Variants in BICC1 observed in about 807,000 individuals in gnomAD.
The protein encoded by BICC1 is BicC family RNA binding protein 1.
In BICC1, 43 loss-of-function variants were observed where a neutral mutation model predicts 111.0. The ratio of observed to expected loss-of-function variants is 0.39; its 90% CI spans 0.30 to 0.50. The LOEUF (loss-of-function observed/expected upper bound fraction) is 0.50, where lower values mean the gene tolerates loss of function less well. Among genes scored for constraint, BICC1 ranks in the 20% least tolerant of loss-of-function variants. BICC1 has a pLI of 0.88. For missense variants in BICC1, 1,091 were observed against 1,203.2 expected (o/e 0.91, Z 1.38); for synonymous variants, 467 against 434.4 (o/e 1.07, Z -0.93).
At chr10:58,715,991 T>G in intron 3 of BICC1, 1 of 1,402,616 alleles carries the variant, frequency 7.1e-7, no homozygotes, top group Non-Finnish European at 9.9e-7. Context: ...GAAAGCTCCA[T>G]GTCAGAAACT....
At chr10:58,608,627 A>G (rs1163212193) in intron 1 of BICC1, among the ~76,000 whole-genome samples, 1 of 152,204 alleles carries the variant, frequency 6.6e-6, no homozygotes. Context: ...TTACACAACT[A>G]TACGTCCTTA....
Position 58,829,574 on chromosome 10 carries a change from A to T in BICC1, c.*683A>T, listed in dbSNP as rs966810931. On this transcript the variant is annotated 3_prime_UTR_variant, in exon 21 of 21. Coordinates refer to ENST00000373886, the MANE Select transcript of BICC1 (RefSeq NM_001080512.3). ...GATTTTGGGAAATGTAAGTGAGTCC[A>T]CTTGCTTCTGGACCAATTCTGTTTC... 1 of 152,164 alleles carries T rather than the reference A, an allele frequency of 6.6e-6. No homozygotes were observed. Among genetic ancestry groups the T allele is most frequent in the Non-Finnish European group, 1.5e-5 (1 of 68,032 alleles). 9.4% of individuals were successfully genotyped at this position (152,164 alleles called of 1,614,324 possible). A position where few individuals can be genotyped will look rare whatever the true frequency, so the allele number is the denominator to read the frequency against.
At chr10:58,797,749 A>G (rs1395267329) in intron 10 of BICC1, among the ~76,000 whole-genome samples, 5 of 152,202 alleles carry the variant, frequency 3.3e-5, no homozygotes, top group Non-Finnish European at 7.3e-5. Flanking sequence ...ATTCTAGAAC[A>G]TATTTTAAAT....
chr10:58,674,497 C>T (rs981817137), intron 2 of BICC1, among the ~76,000 whole-genome samples: 1 of 152,180 alleles, frequency 6.6e-6, no homozygotes, highest in Non-Finnish European at 1.5e-5. Context: ...TGCACTTCTG[C>T]CCATTCATTC....
intron 1 of BICC1, among the ~76,000 whole-genome samples, chr10:58,600,767 T>C (rs1844999909): frequency 6.6e-6 from 1 of 152,138 alleles, no homozygotes; most frequent in South Asian, 2.1e-4. Flanking sequence ...GATGATCCAC[T>C]TCCACTTAAT....
In BICC1 at chr10:58,525,239, G is replaced by A. The variant is rs190410178; in HGVS notation, c.190+11906G>A. Among the ~76,000 whole-genome samples the A allele has an allele frequency of 3.2e-4, 37 of 114,960 alleles. 1 individual carries two copies. The East Asian group carries it at 5.2e-3, about 16-fold the overall frequency. The allele number at this position is 114,960 out of a possible 152,430, so 75.4% of individuals were successfully genotyped here. A position where few individuals can be genotyped will look rare whatever the true frequency, so the allele number is the denominator to read the frequency against. ...ATATACCCAAAGGATTATAAATCAT[G>A]CTGCTATAAAGATAACATGCACATG... On this transcript the variant is annotated intron_variant, in intron 1 of 20. Transcript: ENST00000373886.
intron 3 of BICC1, among the ~76,000 whole-genome samples, chr10:58,739,926 T>C (rs1841601633): frequency 6.6e-6 from 1 of 152,238 alleles, no homozygotes; most frequent in Non-Finnish European, 1.5e-5. Flanking sequence ...ATTTACTCTA[T>C]AGAGAAGTCA....
At chr10:58,732,809 T>G (rs1268412558) in intron 3 of BICC1, among the ~76,000 whole-genome samples, 1 of 152,016 alleles carries the variant, frequency 6.6e-6, no homozygotes, top group South Asian at 2.1e-4. Flanking sequence ...TGCTGTCTTA[T>G]GTGGTTTGGT....
chr10:58,803,017 A>T, intron 14 of BICC1, 60 bp from the exon 15 acceptor site: 1 of 1,420,026 alleles, frequency 7.0e-7, no homozygotes, highest in Non-Finnish European at 9.3e-7. Flanking sequence ...GGCATGTAGG[A>T]AACATTCAGT....
chr10:58,664,404 C>A (rs1838943534), intron 2 of BICC1, among the ~76,000 whole-genome samples: 1 of 152,136 alleles, frequency 6.6e-6, no homozygotes, highest in Admixed American at 6.5e-5. Flanking sequence ...GATTAAAAAG[C>A]ATTAAGAGTT....
chr10:58,551,087 C>T (rs2131914310), intron 1 of BICC1, among the ~76,000 whole-genome samples: 1 of 152,138 alleles, frequency 6.6e-6, no homozygotes, highest in East Asian at 1.9e-4. Flanking sequence ...TACTTGTTTC[C>T]TTTTTATCTG....
At chr10:58,540,585 G>A (rs1842938082) in intron 1 of BICC1, among the ~76,000 whole-genome samples, 1 of 151,936 alleles carries the variant, frequency 6.6e-6, no homozygotes, top group Admixed American at 6.6e-5. Flanking sequence ...TATCTGAGTG[G>A]ACATATACTG....
intron 1 of BICC1, among the ~76,000 whole-genome samples, chr10:58,561,764 C>T (rs897800518): frequency 1.3e-5 from 2 of 151,898 alleles, no homozygotes; most frequent in African/African-American, 4.8e-5. Flanking sequence ...AAATTTTGTC[C>T]TTTTACTTCC....
Position 58,622,229 on chromosome 10 carries a change from T to G in BICC1, c.237+1328T>G, listed in dbSNP as rs145540796. 8.3e-4 allele frequency among the ~76,000 whole-genome samples: 126 copies of G among 152,216 alleles called. 2 individuals carry two copies. The East Asian group carries it at 0.019, about 23-fold the overall frequency. ...AAACAAATAGCAGAAATCATAGATT[T>G]CCCTTGGGTTGGCTCTGATGGTAAA... On this transcript the variant is annotated intron_variant, in intron 2 of 20. Transcript: ENST00000373886.
intron 1 of BICC1, among the ~76,000 whole-genome samples, chr10:58,597,843 C>T (rs553260652): frequency 6.6e-6 from 1 of 152,168 alleles, no homozygotes; most frequent in South Asian, 2.1e-4. Context: ...GGCAGTCAGA[C>T]CTTATGGTTG....
At chr10:58,599,731 G>C (rs1378020841) in intron 1 of BICC1, among the ~76,000 whole-genome samples, 1 of 152,094 alleles carries the variant, frequency 6.6e-6, no homozygotes, top group Non-Finnish European at 1.5e-5. Flanking sequence ...GTTGGGGACA[G>C]TACCAGATCA....
intron 3 of BICC1, among the ~76,000 whole-genome samples, chr10:58,726,100 A>G (rs1056628523): frequency 6.6e-6 from 1 of 152,262 alleles, no homozygotes; most frequent in Non-Finnish European, 1.5e-5. Flanking sequence ...TTTTAATTAG[A>G]CTGCAAATTC....
At chr10:58,776,034 A>G (rs1242113186) in intron 3 of BICC1, among the ~76,000 whole-genome samples, 3 of 152,186 alleles carry the variant, frequency 2.0e-5, no homozygotes, top group Non-Finnish European at 4.4e-5. Flanking sequence ...TCAAGTTGCT[A>G]AGTTATTTTT....
chr10:58,532,111 T>G (rs920413832), intron 1 of BICC1, among the ~76,000 whole-genome samples: 3 of 151,672 alleles, frequency 2.0e-5, no homozygotes, highest in African/African-American at 7.3e-5. Flanking sequence ...CTAAAGAAAT[T>G]CACACTAAGA....
Sources: gnomAD v4.1 joint callset for allele counts (sites outside exome capture counted in the v4.1 genomes callset) on GRCh38, gnomAD v4.1.1 for gene constraint, MANE v1.5 for transcripts, NCBI Gene and HGNC (gene_info 2026-07-23, HGNC 2026-07-21) for gene names.